The following VRK2 variants were observed in gnomAD, a reference collection of about 807,000 sequenced individuals.
The protein encoded by VRK2 is VRK serine/threonine kinase 2.
A neutral mutation model predicts 57.6 loss-of-function variants in VRK2; 60 were observed. That is an observed-to-expected ratio of 1.04 (90% CI 0.85 to 1.29). The LOEUF is 1.29. Among genes scored for constraint, VRK2 ranks in the 50% most tolerant of loss-of-function variants. The pLI, the probability that VRK2 is intolerant of heterozygous loss-of-function variation, is 0.00. For missense variants in VRK2, 705 were observed against 588.1 expected (o/e 1.20, Z -2.06); for synonymous variants, 231 against 199.2 (o/e 1.16, Z -1.35).
intron 1 of VRK2, among the ~76,000 whole-genome samples, chr2:57,915,894 T>G (rs1396300273): frequency 6.6e-6 from 1 of 152,060 alleles, no homozygotes; most frequent in African/African-American, 2.4e-5. Context: ...ACCCTGCTTG[T>G]GAACTGTGCA....
chr2:57,959,331 C>A (rs991030037), intron 1 of VRK2, among the ~76,000 whole-genome samples: 2 of 152,180 alleles, frequency 1.3e-5, no homozygotes, highest in Non-Finnish European at 2.9e-5. Flanking sequence ...GTGAATCGAA[C>A]AATAATCATA....
At chr2:58,136,106 T>G (rs1485890855) in intron 10 of VRK2, among the ~76,000 whole-genome samples, 1 of 152,176 alleles carries the variant, frequency 6.6e-6, no homozygotes, top group Non-Finnish European at 1.5e-5. Flanking sequence ...TAAACTTACA[T>G]TCACAGCCTT....
intron 1 of VRK2, among the ~76,000 whole-genome samples, chr2:57,990,878 CACACACAT>C (rs903223642): frequency 1.2e-4 from 18 of 150,950 alleles, no homozygotes; most frequent in African/African-American, 3.2e-4. Flanking sequence ...CACACACACA[CACACACAT>C]GCACACACAC....
chr2:57,987,549 T>C (rs1672636471), intron 1 of VRK2, among the ~76,000 whole-genome samples: 2 of 152,178 alleles, frequency 1.3e-5, no homozygotes, highest in African/African-American at 4.8e-5. Flanking sequence ...TCATACATTA[T>C]TGGTGGGAAT....
intron 6 of VRK2, among the ~76,000 whole-genome samples, chr2:58,089,429 A>G (rs1230570928): frequency 6.6e-6 from 1 of 152,128 alleles, no homozygotes; most frequent in Non-Finnish European, 1.5e-5. Context: ...AAAATACTTG[A>G]TTTTTGAGGA....
intron 2 of VRK2, among the ~76,000 whole-genome samples, chr2:58,026,472 T>C (rs1412386827): frequency 6.6e-6 from 1 of 152,186 alleles, no homozygotes; most frequent in Non-Finnish European, 1.5e-5. Context: ...TCTATGAATA[T>C]GCAATTATGA....
At chr2:58,088,925 C>T (rs1672002571) in intron 6 of VRK2, among the ~76,000 whole-genome samples, 2 of 152,128 alleles carry the variant, frequency 1.3e-5, no homozygotes, top group Admixed American at 1.3e-4. Context: ...CTTAATAGCA[C>T]TCAGGCACAC....
chr2:57,949,780 C>G (rs1265603776), intron 1 of VRK2, among the ~76,000 whole-genome samples: 1 of 152,120 alleles, frequency 6.6e-6, no homozygotes, highest in African/African-American at 2.4e-5. Flanking sequence ...GAAAGCTAGG[C>G]CTCTTGTACC....
intron 1 of VRK2, among the ~76,000 whole-genome samples, chr2:57,953,101 G>A (rs1192297260): frequency 6.6e-6 from 1 of 152,188 alleles, no homozygotes; most frequent in Non-Finnish European, 1.5e-5. Flanking sequence ...GAGGAGAAGA[G>A]GGAGCAGAAT....
chr2:58,134,317 A>G (rs1387093638), intron 9 of VRK2, among the ~76,000 whole-genome samples: 1 of 152,198 alleles, frequency 6.6e-6, no homozygotes, highest in Non-Finnish European at 1.5e-5. Context: ...TGCTACATAC[A>G]TCAAGAATAT....
chr2:58,067,926 T>C (rs1255782121), intron 2 of VRK2, among the ~76,000 whole-genome samples: 1 of 151,498 alleles, frequency 6.6e-6, no homozygotes, highest in African/African-American at 2.4e-5. Context: ...CTTTCTTTTT[T>C]GTTTTTGTTT....
At chr2:58,079,157 G>A (rs547976509) in intron 2 of VRK2, among the ~76,000 whole-genome samples, 10 of 152,178 alleles carry the variant, frequency 6.6e-5, no homozygotes, top group Middle Eastern at 3.4e-3. Flanking sequence ...GTGTTATTTA[G>A]TAAGAATATC....
intron 11 of VRK2, 112 bp from the exon 12 acceptor site, chr2:58,146,204 C>T: frequency 1.2e-5 from 12 of 965,446 alleles, no homozygotes; most frequent in South Asian, 1.1e-4. Flanking sequence ...TCTTTATTTC[C>T]TTTTTTAAAG....
chr2:58,084,019 T>G, intron 2 of VRK2, 70 bp from the exon 3 acceptor site: 1 of 1,532,774 alleles, frequency 6.5e-7, no homozygotes, highest in Non-Finnish European at 8.9e-7. Flanking sequence ...GCATAGTGTT[T>G]GGGATATGGT....
At chr2:58,129,552 C>T (rs1678861108) in intron 8 of VRK2, among the ~76,000 whole-genome samples, 1 of 152,128 alleles carries the variant, frequency 6.6e-6, no homozygotes, top group Admixed American at 6.5e-5. Flanking sequence ...TTAATAGTCT[C>T]AGACTATAAT....
chr2:58,061,086 AC>A (rs1374616173), intron 2 of VRK2, among the ~76,000 whole-genome samples: 15 of 151,672 alleles, frequency 9.9e-5, no homozygotes, highest in Admixed American at 2.6e-4. Context: ...GTTTAGTAAA[AC>A]TTGGGGGATT....
chr2:57,944,174 A>G (rs922029986), intron 1 of VRK2, among the ~76,000 whole-genome samples: 3 of 152,228 alleles, frequency 2.0e-5, no homozygotes. Flanking sequence ...TTCCTGCTTC[A>G]TGACATCCAT....
chr2:58,133,502 C>T (rs1679516519), intron 9 of VRK2, among the ~76,000 whole-genome samples: 1 of 152,168 alleles, frequency 6.6e-6, no homozygotes, highest in Non-Finnish European at 1.5e-5. Flanking sequence ...TGAAATTCCC[C>T]ATAAGGGTGT....
chr2:58,027,386 G>C (rs919285259), intron 2 of VRK2, among the ~76,000 whole-genome samples: 1 of 152,118 alleles, frequency 6.6e-6, no homozygotes, highest in African/African-American at 2.4e-5. Context: ...GACTTCTATG[G>C]AGTAGAAAAA....
Sources: allele counts gnomAD v4.1 joint callset (sites outside exome capture counted in the v4.1 genomes callset), GRCh38; gene constraint gnomAD v4.1.1; transcripts MANE v1.5; gene names NCBI Gene and HGNC (gene_info 2026-07-23, HGNC 2026-07-21).